The following MSH3 variants were observed in gnomAD, a reference collection of about 807,000 sequenced individuals.
The protein encoded by MSH3 is mutS homolog 3, also known as DNA mismatch repair protein Msh3.
In MSH3, 106 loss-of-function variants were observed where a neutral mutation model predicts 123.3. The observed-to-expected ratio is 0.86, with a 90% CI of 0.73 to 1.01. The LOEUF is 1.01. Ranked by LOEUF, MSH3 falls within the 50% of genes least tolerant of loss-of-function variation. The pLI, the probability that MSH3 is intolerant of heterozygous loss-of-function variation, is 0.00. For synonymous variants in MSH3, 515 were observed against 481.4 expected (o/e 1.07, Z -0.91); for missense variants, 1,459 against 1,347.6 (o/e 1.08, Z -1.29).
At position 80,660,271 on chromosome 5, in the gene MSH3, T is replaced by G. The variant is rs186507531; in HGVS notation, c.358+3740T>G. ...GGTTTGTTGAAAGGCACTTCTTACA[T>G]GGCGGTGGCAAGAGAAAATGAGGAA... On this transcript the variant is annotated intron_variant, in intron 2 of 23. Coordinates refer to ENST00000265081, the MANE Select transcript of MSH3 (RefSeq NM_002439.5). Among the ~76,000 whole-genome samples the G allele has an allele frequency of 7.9e-5, 12 of 152,082 alleles. No homozygotes were observed. The East Asian group carries it at 2.3e-3, about 29-fold the overall frequency.
In MSH3 at chr5:80,766,388, C is replaced by T. The variant is rs1279991022; in HGVS notation, c.1897-1545C>T. On this transcript the variant is annotated intron_variant, in intron 13 of 23. Coordinates refer to ENST00000265081, the MANE Select transcript of MSH3 (RefSeq NM_002439.5). ...TGAGACGGAATCTTGCTCTGTTGCC[C>T]AGGCAGGAGTGCAGTGGCACGATCT... 2.1e-5 allele frequency among the ~76,000 whole-genome samples: 3 copies of T among 140,978 alleles called. No homozygotes were observed. In the East Asian group the frequency reaches 6.4e-4, roughly 30 times the overall value. The allele number at this position is 140,978 out of a possible 152,430, so 92.5% of individuals were successfully genotyped here. A position where few individuals can be genotyped will look rare whatever the true frequency, so the allele number is the denominator to read the frequency against.
chr5:80,876,622 C>A lies in MSH3; in HGVS notation c.*760C>A, dbSNP rs1746312884. Among the ~76,000 whole-genome samples the A allele has an allele frequency of 7.5e-6, 1 of 133,362 alleles. No homozygotes were observed. The allele number at this position is 133,362 out of a possible 152,430, so 87.5% of individuals were successfully genotyped here. A position where few individuals can be genotyped will look rare whatever the true frequency, so the allele number is the denominator to read the frequency against. On this transcript the variant is annotated 3_prime_UTR_variant, in exon 24 of 24. Transcript: ENST00000265081. ...CCAGCTTGGGCAACAGAGCAAGACT[C>A]CATCTCAAAAAAAAAAAAAGAAAAA... is the stretch of plus-strand genomic sequence containing the variant.
At chr5:80,738,734 T>G (rs1743558527) in intron 10 of MSH3, among the ~76,000 whole-genome samples, 1 of 152,228 alleles carries the variant, frequency 6.6e-6, no homozygotes, top group African/African-American at 2.4e-5. Flanking sequence ...ATTAGTCTCA[T>G]GCCAACTGTT....
intron 18 of MSH3, among the ~76,000 whole-genome samples, chr5:80,789,587 T>C (rs1328403831): frequency 1.3e-5 from 2 of 152,302 alleles, no homozygotes; most frequent in East Asian, 3.9e-4. Flanking sequence ...GCCAGGCTGG[T>C]CTTGAACTCC....
intron 7 of MSH3, 42 bp from the exon 8 acceptor site, chr5:80,678,885 A>G (rs751232056): frequency 8.7e-6 from 14 of 1,609,234 alleles, no homozygotes; most frequent in Non-Finnish European, 1.2e-5. Context: ...TAACTGGGGA[A>G]ATACATTTTT....
chr5:80,837,824 A>C (rs1027300854), intron 20 of MSH3, among the ~76,000 whole-genome samples: 3 of 152,158 alleles, frequency 2.0e-5, no homozygotes, highest in Non-Finnish European at 2.9e-5. Context: ...TGGTTAAGGT[A>C]TTGGCCAGGG....
At chr5:80,858,485 T>A (rs1389389729) in intron 21 of MSH3, among the ~76,000 whole-genome samples, 2 of 152,210 alleles carry the variant, frequency 1.3e-5, no homozygotes, top group African/African-American at 4.8e-5. Flanking sequence ...TTTAAGAATG[T>A]GTTGTTTAGT....
chr5:80,735,079 A>T (rs1044547149), intron 10 of MSH3, among the ~76,000 whole-genome samples: 1 of 152,170 alleles, frequency 6.6e-6, no homozygotes, highest in Non-Finnish European at 1.5e-5. Flanking sequence ...AAAACATTCT[A>T]TGAAGTTTAA....
At chr5:80,845,262 A>G (rs1377487817) in intron 20 of MSH3, among the ~76,000 whole-genome samples, 1 of 152,196 alleles carries the variant, frequency 6.6e-6, no homozygotes, top group Non-Finnish European at 1.5e-5. Context: ...GTTTCTGCCA[A>G]GAGATCCACT....
chr5:80,764,516 A>ATT (rs575667262), intron 13 of MSH3, among the ~76,000 whole-genome samples: 11,520 of 128,702 alleles, frequency 0.09, 776 homozygotes, highest in East Asian at 0.32. Context: ...ATGCCCAGCT[A>ATT]TTTTTTTTTT....
chr5:80,844,398 G>A (rs980966891), intron 20 of MSH3, among the ~76,000 whole-genome samples: 18 of 152,130 alleles, frequency 1.2e-4, no homozygotes, highest in Non-Finnish European at 2.1e-4. Flanking sequence ...GTGGAGTTCC[G>A]TAGATGTCTT....
At chr5:80,679,228 A>T (rs866614416) in intron 8 of MSH3, 135 bp downstream of exon 8, 38 of 697,826 alleles carry the variant, frequency 5.4e-5, no homozygotes, top group Middle Eastern at 4.6e-4. Context: ...GTGGAAATTT[A>T]AAAAAAAAAG....
intron 12 of MSH3, among the ~76,000 whole-genome samples, chr5:80,760,489 T>C (rs1444264841): frequency 1.3e-5 from 2 of 152,204 alleles, no homozygotes; most frequent in Non-Finnish European, 2.9e-5. Context: ...CTGCACTTTC[T>C]ATTGCTACTC....
In MSH3 at chr5:80,654,904, GGCCGCAGCGCCCCCAGCGCCCCCAGCT is replaced by G; in HGVS notation, c.178_204del (p.Ala60_Ala68del). 1 of 1,538,054 alleles carries G rather than the reference GGCCGCAGCGCCCCCAGCGCCCCCAGCT, an allele frequency of 6.5e-7. No homozygotes were observed. Among genetic ancestry groups the G allele is most frequent in the Middle Eastern group, 1.7e-4 (1 of 5,818 alleles). The stretch of plus-strand genomic sequence containing the variant: ...CTGCAGCGGCTGCAGCGGCCGCAGC[GGCCGCAGCGCCCCCAGCGCCCCCAGCT>G]CCCGCCTTCCCGCCCCAGCTGCCGC... On this transcript the variant is annotated inframe_deletion, in exon 1 of 24. Transcript: ENST00000265081.
intron 21 of MSH3, among the ~76,000 whole-genome samples, chr5:80,860,089 C>G (rs1402610427): frequency 7.0e-6 from 1 of 142,000 alleles, no homozygotes; most frequent in Non-Finnish European, 1.5e-5. Context: ...ATTTATTTCA[C>G]TTATACTTAA....
intron 11 of MSH3, among the ~76,000 whole-genome samples, chr5:80,744,046 T>G (rs1743669365): frequency 6.6e-6 from 1 of 152,084 alleles, no homozygotes; most frequent in African/African-American, 2.4e-5. Flanking sequence ...TAAAACAAAC[T>G]AAAATAAAAT....
rs1478940850 is a variant in MSH3, at chr5:80,744,723, T to G, written c.1763+108T>G. 3.7e-6 allele frequency: 3 copies of G among 806,006 alleles called. No individual in the cohort carries two copies. The Admixed American group carries it at 6.3e-5, about 17-fold the overall frequency. The allele number at this position is 806,006 out of a possible 1,614,324, so 49.9% of individuals were successfully genotyped here. A position where few individuals can be genotyped will look rare whatever the true frequency, so the allele number is the denominator to read the frequency against. On this transcript the variant is annotated intron_variant, in intron 12 of 23. Coordinates refer to ENST00000265081, the MANE Select transcript of MSH3 (RefSeq NM_002439.5). ...TGTTTTTAAGAACACAGTTTTAAAT[T>G]GGAGAACATTTTATTTTAGAACTGA...
At chr5:80,801,763 T>C (rs572580606) in intron 19 of MSH3, among the ~76,000 whole-genome samples, 1 of 152,310 alleles carries the variant, frequency 6.6e-6, no homozygotes, top group East Asian at 1.9e-4. Context: ...ATTCAAGCAA[T>C]GTACCTGAAT....
intron 17 of MSH3, among the ~76,000 whole-genome samples, chr5:80,786,514 T>G (rs1744511572): frequency 6.6e-6 from 1 of 152,252 alleles, no homozygotes; most frequent in South Asian, 2.1e-4. Context: ...TTTGAAGAAT[T>G]TGTGACTTAT....
Sources: gnomAD v4.1 joint callset for allele counts (sites outside exome capture counted in the v4.1 genomes callset) on GRCh38, gnomAD v4.1.1 for gene constraint, MANE v1.5 for transcripts, NCBI Gene and HGNC (gene_info 2026-07-23, HGNC 2026-07-21) for gene names.